The following RSPRY1 variants were observed in gnomAD, a reference collection of about 807,000 sequenced individuals.
The protein encoded by RSPRY1 is ring finger and SPRY domain containing 1.
In RSPRY1, 23 loss-of-function variants were observed where a neutral mutation model predicts 73.1. The ratio of observed to expected loss-of-function variants is 0.31; its 90% CI spans 0.23 to 0.45. RSPRY1 has a LOEUF of 0.45. RSPRY1 is among the 20% of genes least tolerant of loss of function. RSPRY1 has a pLI of 1.00. For missense variants in RSPRY1, 448 were observed against 698.7 expected (o/e 0.64, Z 4.05); for synonymous variants, 226 against 251.4 (o/e 0.90, Z 0.95).
chr16:57,225,457 G>C (rs1446545621), intron 10 of RSPRY1, among the ~76,000 whole-genome samples: 3 of 152,214 alleles, frequency 2.0e-5, no homozygotes, highest in African/African-American at 4.8e-5. Context: ...ACTTTGGAGA[G>C]CGTTCCTCCA....
At chr16:57,208,954 T>C in intron 3 of RSPRY1, 121 bp from the exon 4 acceptor site, 1 of 642,246 alleles carries the variant, frequency 1.6e-6, no homozygotes, top group Non-Finnish European at 2.7e-6. Context: ...ATGCCAAATA[T>C]TAGCTGCTAA....
rs2074678343 is a variant in RSPRY1 at position 57,204,108 on chromosome 16, TTTTTCTC to T, written c.-155-391_-155-385del. ...AGGAGTTAATTCATTTTTTTAAAGA[TTTTTCTC>T]TTTTTAACACCTACCTCTTACACAG... On this transcript the variant is annotated intron_variant, in intron 1 of 14. Coordinates refer to ENST00000394420, the MANE Select transcript of RSPRY1 (RefSeq NM_133368.3). Among the ~76,000 whole-genome samples the T allele has an allele frequency of 6.6e-5, 10 of 152,332 alleles. No homozygotes were observed. In the South Asian group the frequency reaches 2.1e-3, roughly 32 times the overall value.
chr16:57,231,100 TTCTA>T lies in RSPRY1; in HGVS notation c.1377-61_1377-58del, dbSNP rs1164532531. The T allele has an allele frequency of 2.7e-5, 40 of 1,469,582 alleles. No individual in the cohort carries two copies. The East Asian group carries it at 6.1e-4, about 23-fold the overall frequency. 91.0% of individuals were successfully genotyped at this position (1,469,582 alleles called of 1,614,324 possible). On this transcript the variant is annotated intron_variant, in intron 12 of 14. Transcript: ENST00000394420. ...ACTCACCCTGCCTTTCTGAAAACTGTTCTATCTATTAACTCTATTTTGATTTTTA... is the reference window on the plus strand; with the variant it reads ...ACTCACCCTGCCTTTCTGAAAACTGTTCTATTAACTCTATTTTGATTTTTA...
chr16:57,200,573 C>T (rs1231475594), intron 1 of RSPRY1, among the ~76,000 whole-genome samples: 9 of 147,368 alleles, frequency 6.1e-5, no homozygotes, highest in East Asian at 2.1e-4. Flanking sequence ...GGCGGCTGGC[C>T]GGGCAGAGGG....
At chr16:57,216,375 G>T in intron 7 of RSPRY1, 1 of 501,540 alleles carries the variant, frequency 2.0e-6, no homozygotes, top group South Asian at 3.2e-5. Context: ...TCAAAACTTG[G>T]TAACCATGTT....
chr16:57,198,270 G>A (rs1407474303), intron 1 of RSPRY1, among the ~76,000 whole-genome samples: 2 of 152,002 alleles, frequency 1.3e-5, no homozygotes, highest in Non-Finnish European at 2.9e-5. Context: ...TGTAGTCCCA[G>A]CTACTCGGGA....
At chr16:57,223,200 G>C (rs2075066662) in intron 10 of RSPRY1, among the ~76,000 whole-genome samples, 1 of 152,110 alleles carries the variant, frequency 6.6e-6, no homozygotes, top group Admixed American at 6.5e-5. Flanking sequence ...GAATCTTTTT[G>C]CCTATTCAGA....
In RSPRY1 at chr16:57,193,384, A is replaced by G. The variant is rs2074383832; in HGVS notation, c.-156+6933A>G. ...TTAGGTAGTTTCTGTTTCAGCTGGC[A>G]AGTGTAATCTTCATGCATTACCAAA... On this transcript the variant is annotated intron_variant, in intron 1 of 14. Coordinates refer to ENST00000394420, the MANE Select transcript of RSPRY1 (RefSeq NM_133368.3). 2.0e-5 allele frequency among the ~76,000 whole-genome samples: 3 copies of G among 152,168 alleles called. No homozygotes were observed. In the South Asian group the frequency reaches 6.2e-4, roughly 32 times the overall value.
intron 1 of RSPRY1, among the ~76,000 whole-genome samples, chr16:57,189,096 C>G (rs1277120588): frequency 6.6e-6 from 1 of 150,782 alleles, no homozygotes; most frequent in Non-Finnish European, 1.5e-5. Context: ...CGGGTTCAAG[C>G]AATTCTTCTG....
At position 57,236,138 on chromosome 16, in the gene RSPRY1, A is replaced by G. The variant is rs148932706; in HGVS notation, c.1634+910A>G. On this transcript the variant is annotated intron_variant, in intron 14 of 14. Coordinates refer to ENST00000394420, the MANE Select transcript of RSPRY1 (RefSeq NM_133368.3). ...TTGAGCATATTTGGAGGGTTTAGTT[A>G]TCAGGGCCTCACAGACAGATGCAGA... 1.5e-3 allele frequency among the ~76,000 whole-genome samples: 233 copies of G among 152,324 alleles called. 1 individual carries two copies. The highest frequency in any genetic ancestry group is 5.0e-3 in the African/African-American group (208 of 41,574).
At chr16:57,236,191 T>A (rs1279617353) in intron 14 of RSPRY1, among the ~76,000 whole-genome samples, 1 of 152,216 alleles carries the variant, frequency 6.6e-6, no homozygotes, top group Non-Finnish European at 1.5e-5. Flanking sequence ...CTTCATGCCC[T>A]TTTTGATCTT....
Position 57,216,127 on chromosome 16 carries a change from A to G in RSPRY1, c.723A>G (p.Thr241=). ...TTCAGAAGTTACAGTCCCACCCCAC[A>G]GTCATGCTTTTTGCACTTATCGCAC... ...LQCLKLQSHP[T]VMLFALIALE... Residue 241 remains threonine, a synonymous_variant, in exon 7 of 15, where the codon ACA becomes ACG. Transcript: ENST00000394420. The G allele has an allele frequency of 6.2e-7, 1 of 1,610,902 alleles. No individual in the cohort carries two copies.
At chr16:57,228,222 G>A (rs1445070798) in intron 11 of RSPRY1, among the ~76,000 whole-genome samples, 1 of 146,708 alleles carries the variant, frequency 6.8e-6, no homozygotes, top group African/African-American at 2.5e-5. Flanking sequence ...GCAATGAGCC[G>A]AGGTTGCGCC....
chr16:57,201,630 C>G (rs1331629752), intron 1 of RSPRY1, among the ~76,000 whole-genome samples: 6 of 150,952 alleles, frequency 4.0e-5, no homozygotes, highest in African/African-American at 1.5e-4. Context: ...GAGGTTGTAT[C>G]GAGCCGAGAT....
At chr16:57,210,667 T>C (rs2399623) in intron 4 of RSPRY1, among the ~76,000 whole-genome samples, 145,077 of 151,826 alleles carry the variant, frequency 0.96, 69,341 homozygotes, top group Middle Eastern at 0.99. Context: ...GAGCTGAGAT[T>C]GTGCTACTGC....
rs1334409727 is a variant in RSPRY1 at position 57,227,585 on chromosome 16, C to T, written c.1273+132C>T. The T allele has an allele frequency of 7.5e-6, 5 of 666,078 alleles. No homozygotes were observed. In the African/African-American group the frequency reaches 8.8e-5, roughly 12 times the overall value. 41.3% of individuals were successfully genotyped at this position (666,078 alleles called of 1,614,324 possible). A position where few individuals can be genotyped will look rare whatever the true frequency, so the allele number is the denominator to read the frequency against. ...TGAAAAGGGATATTAACTTTTGTGTCACTGCCAAGGATATAAATGGTATTC... is the reference window on the plus strand; with the variant it reads ...TGAAAAGGGATATTAACTTTTGTGTTACTGCCAAGGATATAAATGGTATTC... On this transcript the variant is annotated intron_variant, in intron 11 of 14. Coordinates refer to ENST00000394420, the MANE Select transcript of RSPRY1 (RefSeq NM_133368.3).
intron 1 of RSPRY1, among the ~76,000 whole-genome samples, chr16:57,190,154 G>C (rs1033376077): frequency 6.6e-6 from 1 of 151,936 alleles, no homozygotes; most frequent in Non-Finnish European, 1.5e-5. Context: ...GATCACTTGA[G>C]CCCAGGAGTT....
At chr16:57,225,467 A>G (rs2075106237) in intron 10 of RSPRY1, among the ~76,000 whole-genome samples, 1 of 152,244 alleles carries the variant, frequency 6.6e-6, no homozygotes, top group African/African-American at 2.4e-5. Flanking sequence ...GCGTTCCTCC[A>G]AATTCAGTAT....
At chr16:57,235,317 A>C in intron 14 of RSPRY1, 89 bp downstream of exon 14, 1 of 872,532 alleles carries the variant, frequency 1.1e-6, no homozygotes, top group Non-Finnish European at 1.9e-6. Context: ...TATCTAAAGC[A>C]GGCTGAATGA....
Sources: allele counts gnomAD v4.1 joint callset (sites outside exome capture counted in the v4.1 genomes callset), GRCh38; gene constraint gnomAD v4.1.1; transcripts MANE v1.5; gene names NCBI Gene and HGNC (gene_info 2026-07-23, HGNC 2026-07-21).